The following PLXNA4 variants were observed in gnomAD, a reference collection of about 807,000 sequenced individuals.
PLXNA4 encodes the protein plexin A4.
PLXNA4 carries 44 observed loss-of-function variants against 191.8 expected under a neutral mutation model. The observed-to-expected ratio is 0.23, with a 90% confidence interval of 0.18 to 0.29. The LOEUF (loss-of-function observed/expected upper bound fraction) is 0.29, where lower values mean the gene tolerates loss of function less well. Among genes scored for constraint, PLXNA4 ranks in the 10% least tolerant of loss-of-function variants. The pLI is 1.00. For synonymous variants in PLXNA4, 1,082 were observed against 1,009.5 expected (o/e 1.07, Z -1.36); for missense variants, 1,800 against 2,488.8 (o/e 0.72, Z 5.89).
At chr7:132,204,627 G>T (rs749679825) in intron 10 of PLXNA4, among the ~76,000 whole-genome samples, 1 of 152,108 alleles carries the variant, frequency 6.6e-6, no homozygotes, top group African/African-American at 2.4e-5. Flanking sequence ...ATCACAGGAG[G>T]CCACTGAGGC....
intron 4 of PLXNA4, among the ~76,000 whole-genome samples, chr7:132,274,462 G>A (rs924350188): frequency 6.6e-6 from 1 of 151,900 alleles, no homozygotes; most frequent in African/African-American, 2.4e-5. Flanking sequence ...ACAATACCAC[G>A]ACCTAAGCTC....
intron 1 of PLXNA4, among the ~76,000 whole-genome samples, chr7:132,509,428 A>G (rs974183630): frequency 6.6e-6 from 1 of 152,082 alleles, no homozygotes; most frequent in African/African-American, 2.4e-5. Context: ...CAAAGGACCA[A>G]ATTTGTATGT....
chr7:132,228,864 C>T (rs779512403), intron 5 of PLXNA4, among the ~76,000 whole-genome samples: 6 of 152,142 alleles, frequency 3.9e-5, no homozygotes, highest in Non-Finnish European at 7.4e-5. Context: ...TTTGAACATG[C>T]CAGTTCTTCT....
intron 2 of PLXNA4, among the ~76,000 whole-genome samples, chr7:132,595,935 T>C (rs1802703072): frequency 6.6e-6 from 1 of 152,338 alleles, no homozygotes; most frequent in African/African-American, 2.4e-5. Flanking sequence ...AATACCATTA[T>C]TGTGCATAAT....
intron 2 of PLXNA4, among the ~76,000 whole-genome samples, chr7:132,627,372 T>G (rs904925293): frequency 2.0e-5 from 3 of 152,254 alleles, no homozygotes; most frequent in African/African-American, 7.2e-5. Flanking sequence ...ACAATTTTCA[T>G]GGCTTTTGTT....
At chr7:132,372,358 C>A (rs1417938146) in intron 3 of PLXNA4, among the ~76,000 whole-genome samples, 2 of 152,268 alleles carry the variant, frequency 1.3e-5, no homozygotes, top group Non-Finnish European at 2.9e-5. Context: ...TATCACCACA[C>A]AGATCACACA....
chr7:132,583,784 C>T (rs1802454162), intron 2 of PLXNA4, among the ~76,000 whole-genome samples: 1 of 152,168 alleles, frequency 6.6e-6, no homozygotes, highest in Non-Finnish European at 1.5e-5. Context: ...TCTCCTAACG[C>T]ACGCCTGCTG....
At chr7:132,591,699 A>ATTGTTC (rs1241809769) in intron 2 of PLXNA4, among the ~76,000 whole-genome samples, 1 of 152,200 alleles carries the variant, frequency 6.6e-6, no homozygotes, top group Non-Finnish European at 1.5e-5. Context: ...TTAGCACAGG[A>ATTGTTC]CTAGGAGCGT....
chr7:132,137,168 G>T (rs980729083), intron 30 of PLXNA4, among the ~76,000 whole-genome samples: 6 of 152,160 alleles, frequency 3.9e-5, no homozygotes, highest in East Asian at 1.9e-4. Context: ...ACCATTTTAT[G>T]TATTTGACTG....
chr7:132,643,903 G>A (rs1803804196), intron 2 of PLXNA4, among the ~76,000 whole-genome samples: 1 of 151,966 alleles, frequency 6.6e-6, no homozygotes, highest in Admixed American at 6.6e-5. Flanking sequence ...AGTGATCTAA[G>A]ATCGCACCAC....
At chr7:132,606,753 A>C (rs748860603) in intron 2 of PLXNA4, among the ~76,000 whole-genome samples, 6 of 152,202 alleles carry the variant, frequency 3.9e-5, no homozygotes, top group Non-Finnish European at 8.8e-5. Context: ...CCCTGACTTT[A>C]AGCCTGAGAA....
intron 2 of PLXNA4, among the ~76,000 whole-genome samples, chr7:132,635,650 C>G (rs898839651): frequency 1.3e-4 from 20 of 152,274 alleles, no homozygotes; most frequent in Admixed American, 9.2e-4. Context: ...GACCCCACTG[C>G]CCTGCACCTT....
At position 132,318,822 on chromosome 7, in the gene PLXNA4, T is replaced by C. The variant is rs185560604; in HGVS notation, c.1372-20600A>G. The stretch of plus-strand genomic sequence containing the variant: ...GAGGGGCTCTGTTCTGTGGTGTATA[T>C]GTAGGTATGTGTGTGCGCGGGTCTC... On this transcript the variant is annotated intron_variant, in intron 3 of 31. Coordinates refer to ENST00000321063, the MANE Select transcript of PLXNA4 (RefSeq NM_020911.2). Among the ~76,000 whole-genome samples the C allele has an allele frequency of 6.6e-5, 10 of 152,214 alleles. No homozygotes were observed. The South Asian group carries it at 1.0e-3, about 16-fold the overall frequency.
intron 25 of PLXNA4, among the ~76,000 whole-genome samples, chr7:132,149,776 G>A (rs1795541634): frequency 1.3e-5 from 2 of 152,108 alleles, no homozygotes; most frequent in East Asian, 1.9e-4. Context: ...GACCCACCAG[G>A]GATTTCTTCC....
chr7:132,169,393 G>T (rs1346230219), intron 21 of PLXNA4, among the ~76,000 whole-genome samples: 1 of 152,124 alleles, frequency 6.6e-6, no homozygotes, highest in African/African-American at 2.4e-5. Flanking sequence ...GATGTCCAGG[G>T]GTGTGCATTG....
At chr7:132,209,807 G>T (rs185732359) in intron 10 of PLXNA4, among the ~76,000 whole-genome samples, 2 of 152,280 alleles carry the variant, frequency 1.3e-5, no homozygotes, top group East Asian at 3.9e-4. Flanking sequence ...GCAACTAGAA[G>T]AATACATAGG....
chr7:132,144,976 A>G, intron 29 of PLXNA4, 143 bp downstream of exon 29: 1 of 1,193,672 alleles, frequency 8.4e-7, no homozygotes, highest in Non-Finnish European at 1.2e-6. Context: ...GGAGGACCAG[A>G]GAATGTGCCT....
intron 3 of PLXNA4, among the ~76,000 whole-genome samples, chr7:132,406,021 G>A (rs939778341): frequency 3.9e-5 from 6 of 152,166 alleles, no homozygotes; most frequent in Non-Finnish European, 7.3e-5. Context: ...TTGAGCAGCA[G>A]GGCAGTGACA....
At chr7:132,622,826 A>G (rs1231144504) in intron 2 of PLXNA4, among the ~76,000 whole-genome samples, 1 of 152,222 alleles carries the variant, frequency 6.6e-6, no homozygotes, top group Non-Finnish European at 1.5e-5. Context: ...GCTCAGGGCC[A>G]GGGGTGAAGC....
Sources: gnomAD v4.1 joint callset for allele counts (sites outside exome capture counted in the v4.1 genomes callset) on GRCh38, gnomAD v4.1.1 for gene constraint, MANE v1.5 for transcripts, NCBI Gene and HGNC (gene_info 2026-07-23, HGNC 2026-07-21) for gene names.